CENPE: variants seen among roughly 807,000 people sequenced by gnomAD.
CENPE encodes the protein centromere-associated protein E.
A neutral mutation model predicts 336.1 loss-of-function variants in CENPE; 145 were observed. The observed-to-expected ratio is 0.43, with a 90% CI of 0.38 to 0.50. The LOEUF is 0.50. CENPE is among the 20% of genes least tolerant of loss of function. The probability of loss-of-function intolerance (pLI) is 0.00; values close to 1 mark genes in which losing one functional copy is unlikely to be tolerated. For synonymous variants in CENPE, 1,013 were observed against 984.8 expected (o/e 1.03, Z -0.54); for missense variants, 2,719 against 3,023.3 (o/e 0.90, Z 2.36).
Position 103,116,695 on chromosome 4 carries a change from T to A in CENPE, c.7330-6A>T, listed in dbSNP as rs1750146551. The A allele has an allele frequency of 6.9e-7, 1 of 1,449,886 alleles. No individual in the cohort carries two copies. Among genetic ancestry groups the A allele is most frequent in the Non-Finnish European group, 9.4e-7 (1 of 1,063,498 alleles). The allele number at this position is 1,449,886 out of a possible 1,614,324, so 89.8% of individuals were successfully genotyped here. A position where few individuals can be genotyped will look rare whatever the true frequency, so the allele number is the denominator to read the frequency against. ...GCTCCTAAAGCAACTTTGTCCTAAA[T>A]TTTTTTTAGAGAAAATAAAAATAAT... On this transcript the variant is annotated splice_region_variant and splice_polypyrimidine_tract_variant and intron_variant, in intron 44 of 48. Transcript: ENST00000265148.
chr4:103,129,828 T>A (rs182604950), intron 42 of CENPE, among the ~76,000 whole-genome samples: 35 of 152,302 alleles, frequency 2.3e-4, no homozygotes, highest in Non-Finnish European at 2.1e-4. Flanking sequence ...AAAATGATTA[T>A]ACATGACCAA....
At chr4:103,160,950 C>G in intron 20 of CENPE, 136 bp downstream of exon 20, 8 of 938,528 alleles carry the variant, frequency 8.5e-6, no homozygotes, top group Non-Finnish European at 1.2e-5. Flanking sequence ...CCAAATGAAA[C>G]TAAAACGTAA....
At chr4:103,171,550 C>T (rs1486026731) in intron 16 of CENPE, among the ~76,000 whole-genome samples, 2 of 151,598 alleles carry the variant, frequency 1.3e-5, no homozygotes, top group African/African-American at 4.8e-5. Context: ...TAAACATCTA[C>T]ATCAAAAAAG....
At chr4:103,163,061 G>A (rs1754588313) in intron 18 of CENPE, 76 bp downstream of exon 18, 1 of 1,236,402 alleles carries the variant, frequency 8.1e-7, no homozygotes, top group Non-Finnish European at 1.1e-6. Context: ...AGTAGGTCCA[G>A]TATAAGCATT....
intron 35 of CENPE, among the ~76,000 whole-genome samples, chr4:103,141,350 A>C (rs772685647): frequency 5.0e-4 from 76 of 152,298 alleles, no homozygotes; most frequent in Admixed American, 2.0e-3. Context: ...AAAACAGAGA[A>C]TATTTCTAGC....
intron 8 of CENPE, among the ~76,000 whole-genome samples, chr4:103,188,466 C>G (rs1445599042): frequency 2.0e-5 from 3 of 152,242 alleles, no homozygotes; most frequent in Non-Finnish European, 2.9e-5. Flanking sequence ...TGCAATCAAA[C>G]TAGAACTCAG....
intron 26 of CENPE, 97 bp from the exon 27 acceptor site, chr4:103,149,505 T>C: frequency 2.9e-6 from 3 of 1,018,562 alleles, no homozygotes; most frequent in East Asian, 2.6e-5. Flanking sequence ...AGCATATAAA[T>C]AGGTAAGTAG....
At chr4:103,185,519 A>G (rs925215367) in intron 9 of CENPE, among the ~76,000 whole-genome samples, 2 of 151,904 alleles carry the variant, frequency 1.3e-5, no homozygotes, top group African/African-American at 4.8e-5. Context: ...CCTTATTTTG[A>G]AAGTTTAAAT....
intron 16 of CENPE, among the ~76,000 whole-genome samples, chr4:103,172,756 A>G (rs1376152864): frequency 6.6e-6 from 1 of 152,074 alleles, no homozygotes; most frequent in Non-Finnish European, 1.5e-5. Context: ...TGCAGGATAC[A>G]AAATCAACAT....
chr4:103,191,040 G>A (rs1757269754), intron 8 of CENPE, among the ~76,000 whole-genome samples: 2 of 151,630 alleles, frequency 1.3e-5, no homozygotes, highest in East Asian at 1.9e-4. Context: ...AAAGACACAC[G>A]AAAAAATGCT....
intron 45 of CENPE, 167 bp downstream of exon 45, chr4:103,116,410 A>G: frequency 2.3e-6 from 1 of 428,022 alleles, no homozygotes; most frequent in Non-Finnish European, 4.2e-6. Flanking sequence ...TGCATATGTA[A>G]TGAGACCAGT....
intron 48 of CENPE, among the ~76,000 whole-genome samples, chr4:103,108,202 A>G (rs1749060102): frequency 6.7e-6 from 1 of 150,076 alleles, no homozygotes; most frequent in Non-Finnish European, 1.5e-5. Context: ...AATACTTATT[A>G]TATTTCTCAT....
chr4:103,188,461 T>C (rs1215357794), intron 8 of CENPE, among the ~76,000 whole-genome samples: 1 of 152,130 alleles, frequency 6.6e-6, no homozygotes, highest in Non-Finnish European at 1.5e-5. Context: ...CACAGTGCAA[T>C]CAAACTAGAA....
rs11315612 is a variant in CENPE at position 103,163,608 on chromosome 4, C to CAAAAAAAAAAAAAA, written c.1648-69_1648-56dup. ...CAAACCAATAGTTAATAAAGCAAAGCAAAAAAAAAAAAAAAAAGAAAAAGA... is the reference window on the plus strand; with the variant it reads ...CAAACCAATAGTTAATAAAGCAAAGCAAAAAAAAAAAAAAAAAAAAAAAAAAAAAAAGAAAAAGA... On this transcript the variant is annotated intron_variant, in intron 16 of 48. Coordinates refer to ENST00000265148, the MANE Select transcript of CENPE (RefSeq NM_001813.3). 4.1e-4 allele frequency: 125 copies of CAAAAAAAAAAAAAA among 304,418 alleles called. 1 individual carries two copies. The highest frequency in any genetic ancestry group is 8.9e-4 in the African/African-American group (29 of 32,556). 18.9% of individuals were successfully genotyped at this position (304,418 alleles called of 1,614,324 possible). A position where few individuals can be genotyped will look rare whatever the true frequency, so the allele number is the denominator to read the frequency against.
At chr4:103,195,852 A>G (rs1757692538) in intron 4 of CENPE, 68 bp downstream of exon 4, 5 of 903,228 alleles carry the variant, frequency 5.5e-6, no homozygotes, top group Non-Finnish European at 7.5e-6. Context: ...AGAGAAATAC[A>G]CTAAGACTGG....
At chr4:103,122,695 A>G (rs182379326) in intron 43 of CENPE, among the ~76,000 whole-genome samples, 176 bp downstream of exon 43, 1 of 152,374 alleles carries the variant, frequency 6.6e-6, no homozygotes, top group African/African-American at 2.4e-5. Context: ...CATAATGTCT[A>G]GCTTTATAAT....
chr4:103,180,440 C>T lies in CENPE; in HGVS notation c.1113G>A (p.Met371Ile), dbSNP rs151207142. ...AAAGTTGGGCCAATTGGTCTTTTTC[C>T]ATTGCCTGAGCCCGCGTCTCTAAAG... ...EVSLETRAQA[M>I]EKDQLAQLLE... The change falls in exon 13 of 49, where the codon ATG (methionine) becomes ATA (isoleucine). Residue 371 changes from methionine to isoleucine, a missense_variant. Coordinates refer to ENST00000265148, the MANE Select transcript of CENPE (RefSeq NM_001813.3). 10 of 1,611,826 alleles carry T rather than the reference C, an allele frequency of 6.2e-6. No homozygotes were observed. In the African/African-American group the frequency reaches 8.0e-5, roughly 13 times the overall value.
chr4:103,145,019 C>G, intron 32 of CENPE, 31 bp downstream of exon 32: 11 of 1,231,954 alleles, frequency 8.9e-6, no homozygotes, highest in Non-Finnish European at 1.1e-5. Context: ...TTTCTGTATC[C>G]AAAAAAAAAA....
intron 47 of CENPE, among the ~76,000 whole-genome samples, chr4:103,110,342 T>C (rs149276855): frequency 2.7e-4 from 41 of 152,320 alleles, no homozygotes; most frequent in Non-Finnish European, 5.6e-4. Flanking sequence ...TCTTTTTTAA[T>C]AGCACTCATG....
Sources: allele counts gnomAD v4.1 joint callset (sites outside exome capture counted in the v4.1 genomes callset), GRCh38; gene constraint gnomAD v4.1.1; transcripts MANE v1.5; gene names NCBI Gene and HGNC (gene_info 2026-07-23, HGNC 2026-07-21).